PLPP3: variants seen among roughly 807,000 people sequenced by gnomAD.
The protein encoded by PLPP3 is PAP2 beta.
In PLPP3, 6 loss-of-function variants were observed where a neutral mutation model predicts 29.6. That is an observed-to-expected ratio of 0.20 (90% CI 0.11 to 0.40). PLPP3 has a LOEUF of 0.40. Among genes scored for constraint, PLPP3 ranks in the 10% least tolerant of loss-of-function variants. PLPP3 has a pLI of 1.00. For missense variants in PLPP3, 308 were observed against 407.7 expected (o/e 0.76, Z 2.11); for synonymous variants, 152 against 159.7 (o/e 0.95, Z 0.36).
chr1:56,579,104 C>G lies in PLPP3; in HGVS notation c.-88G>C, dbSNP rs1011127499. The G allele has an allele frequency of 2.0e-6, 3 of 1,537,912 alleles. No homozygotes were observed. The highest frequency in any genetic ancestry group is 1.4e-5 in the African/African-American group (1 of 69,488). ...CCAGGCGCCCGGGTCGCCTCCTGGC[C>G]GAGGCTGCTGCGGATAGTGGCGGGT... is the stretch of plus-strand genomic sequence containing the variant. On this transcript the variant is annotated 5_prime_UTR_variant, in exon 1 of 6. Coordinates refer to ENST00000371250, the MANE Select transcript of PLPP3 (RefSeq NM_003713.5).
At chr1:56,533,066 T>C (rs1264973315) in intron 2 of PLPP3, among the ~76,000 whole-genome samples, 1 of 151,464 alleles carries the variant, frequency 6.6e-6, no homozygotes, top group Non-Finnish European at 1.5e-5. Flanking sequence ...TTTTTTTTTT[T>C]CTTTTTGATA....
intron 5 of PLPP3, among the ~76,000 whole-genome samples, chr1:56,511,240 G>A (rs1645739262): frequency 6.6e-6 from 1 of 152,154 alleles, no homozygotes; most frequent in African/African-American, 2.4e-5. Context: ...ACAGATGGAG[G>A]CTCAGAGAAG....
chr1:56,523,421 C>T (rs367997003), intron 4 of PLPP3, among the ~76,000 whole-genome samples: 5 of 152,076 alleles, frequency 3.3e-5, no homozygotes, highest in African/African-American at 1.2e-4. Flanking sequence ...AGTGTTTGTA[C>T]CCTAAAATGT....
intron 5 of PLPP3, 83 bp from the exon 6 acceptor site, chr1:56,496,759 C>T (rs1645633977): frequency 1.3e-6 from 2 of 1,497,210 alleles, no homozygotes; most frequent in African/African-American, 1.4e-5. Context: ...CAGAGGAGCG[C>T]AGACTTCAGG....
At chr1:56,553,523 T>C (rs1409806570) in intron 1 of PLPP3, among the ~76,000 whole-genome samples, 2 of 152,330 alleles carry the variant, frequency 1.3e-5, no homozygotes, top group South Asian at 2.1e-4. Context: ...CACCAGGTCC[T>C]GGACAGCACA....
chr1:56,546,015 C>A (rs1255653872), intron 1 of PLPP3, among the ~76,000 whole-genome samples: 1 of 152,226 alleles, frequency 6.6e-6, no homozygotes, highest in Non-Finnish European at 1.5e-5. Context: ...CACAAGCTGG[C>A]AGCCCATGGC....
intron 1 of PLPP3, among the ~76,000 whole-genome samples, chr1:56,542,951 GGTTGCA>G (rs1645979973): frequency 6.6e-6 from 1 of 151,760 alleles, no homozygotes; most frequent in Admixed American, 6.6e-5. Flanking sequence ...AGAAGGCGGA[GGTTGCA>G]GTAAGCCAAG....
Position 56,542,161 on chromosome 1 carries a change from G to GCC in PLPP3, c.140-5051_140-5050dup, listed in dbSNP as rs1440859146. ...GCATAAAATCAAAGCATGAAGAAAG[G>GCC]CCCCTGTGTTGGGTTCAGGCCTTTG... is the stretch of plus-strand genomic sequence containing the variant. On this transcript the variant is annotated intron_variant, in intron 1 of 5. Coordinates refer to ENST00000371250, the MANE Select transcript of PLPP3 (RefSeq NM_003713.5). 3.3e-4 allele frequency among the ~76,000 whole-genome samples: 50 copies of GCC among 152,092 alleles called. 1 individual carries two copies. Among genetic ancestry groups the GCC allele is most frequent in the Admixed American group, 3.3e-3 (50 of 15,262 alleles).
intron 1 of PLPP3, among the ~76,000 whole-genome samples, chr1:56,562,629 T>C (rs1646138525): frequency 6.6e-6 from 1 of 152,220 alleles, no homozygotes; most frequent in South Asian, 2.1e-4. Flanking sequence ...GAACAAATCA[T>C]CATCCCCATT....
chr1:56,500,060 T>C (rs894907863), intron 5 of PLPP3, among the ~76,000 whole-genome samples: 1 of 152,228 alleles, frequency 6.6e-6, no homozygotes, highest in African/African-American at 2.4e-5. Flanking sequence ...AGATCTAAGT[T>C]ACGATGCGCA....
In PLPP3 at chr1:56,550,023, A is replaced by G. The variant is rs191690106; in HGVS notation, c.140-12911T>C. Among the ~76,000 whole-genome samples the G allele has an allele frequency of 3.3e-4, 50 of 152,352 alleles. No homozygotes were observed. The East Asian group carries it at 6.6e-3, about 20-fold the overall frequency. On this transcript the variant is annotated intron_variant, in intron 1 of 5. Coordinates refer to ENST00000371250, the MANE Select transcript of PLPP3 (RefSeq NM_003713.5). Reference sequence around the variant, plus strand: ...AAATGAAGAATAGTGATAAGGCCACAGAGAAGTAGGCCAGAAAGGGACGCT... The same window carrying G: ...AAATGAAGAATAGTGATAAGGCCACGGAGAAGTAGGCCAGAAAGGGACGCT...
intron 4 of PLPP3, among the ~76,000 whole-genome samples, chr1:56,518,789 A>G (rs976102569): frequency 2.0e-5 from 3 of 150,276 alleles, no homozygotes; most frequent in African/African-American, 4.9e-5. Flanking sequence ...GGCTCAAGCA[A>G]TTCTCCTGCC....
intron 1 of PLPP3, among the ~76,000 whole-genome samples, chr1:56,559,043 G>C (rs748806611): frequency 1.3e-5 from 2 of 152,196 alleles, no homozygotes; most frequent in Non-Finnish European, 2.9e-5. Flanking sequence ...CAAGTGACTT[G>C]TTTAAGGTCA....
intron 5 of PLPP3, among the ~76,000 whole-genome samples, chr1:56,501,506 C>A (rs1023622779): frequency 2.0e-5 from 3 of 152,148 alleles, no homozygotes. Flanking sequence ...GCAGTCATGT[C>A]CCATTCCCTT....
chr1:56,511,738 G>C (rs559184177), intron 5 of PLPP3, among the ~76,000 whole-genome samples: 2 of 152,020 alleles, frequency 1.3e-5, no homozygotes, highest in East Asian at 3.9e-4. Flanking sequence ...CAAAACCTCT[G>C]TATTTACAGA....
chr1:56,520,361 C>T (rs12139033), intron 4 of PLPP3, among the ~76,000 whole-genome samples: 2 of 152,058 alleles, frequency 1.3e-5, no homozygotes, highest in African/African-American at 4.8e-5. Flanking sequence ...CTCCCCAACA[C>T]CCCAGGGAAG....
chr1:56,549,441 T>G (rs748971883), intron 1 of PLPP3, among the ~76,000 whole-genome samples: 1 of 152,204 alleles, frequency 6.6e-6, no homozygotes, highest in African/African-American at 2.4e-5. Context: ...AACTACCAGT[T>G]TGATCACCGG....
chr1:56,547,279 G>C (rs1398199640), intron 1 of PLPP3, among the ~76,000 whole-genome samples: 6 of 152,126 alleles, frequency 3.9e-5, no homozygotes, highest in Non-Finnish European at 7.4e-5. Context: ...CTGGCACATA[G>C]TGGGAGTTCA....
chr1:56,532,040 C>T (rs1819750), intron 2 of PLPP3, among the ~76,000 whole-genome samples: 14,212 of 152,146 alleles, frequency 0.093, 868 homozygotes, highest in Middle Eastern at 0.13. Context: ...GTCATGAATC[C>T]CTAAGAGCTG....
Sources: gnomAD v4.1 joint callset for allele counts (sites outside exome capture counted in the v4.1 genomes callset) on GRCh38, gnomAD v4.1.1 for gene constraint, MANE v1.5 for transcripts, NCBI Gene and HGNC (gene_info 2026-07-23, HGNC 2026-07-21) for gene names.